SLC16A2: variants seen among roughly 807,000 people sequenced by gnomAD.
SLC16A2 encodes monocarboxylate transporter 8.
SLC16A2 carries 3 observed loss-of-function variants against 27.2 expected under a neutral mutation model. That is an observed-to-expected ratio of 0.11 (90% CI 0.05 to 0.28). The LOEUF is 0.28. Ranked by LOEUF, SLC16A2 falls within the 10% of genes least tolerant of loss-of-function variation. The pLI, the probability that SLC16A2 is intolerant of heterozygous loss-of-function variation, is 1.00. For missense variants in SLC16A2, 295 were observed against 458.5 expected, an observed-to-expected ratio of 0.64 and a Z score of 3.26; for synonymous variants, 202 against 187.8, an observed-to-expected ratio of 1.08 and a Z score of -0.62.
At chrX:74,463,710 G>T (rs1263180) in intron 1 of SLC16A2, among the ~76,000 whole-genome samples, 44,053 of 109,817 alleles carry the variant, frequency 0.4, 6,926 homozygotes, top group East Asian at 0.96. Context: ...TGTATTTTTA[G>T]TAGAGACAGG....
chrX:74,472,000 GAAT>G (rs1310481444), intron 1 of SLC16A2, among the ~76,000 whole-genome samples: 1 of 112,006 alleles, frequency 8.9e-6, no homozygotes, highest in East Asian at 2.8e-4. Flanking sequence ...TTTTAAGGGT[GAAT>G]AATATTTCAT....
rs774489345 is a variant in SLC16A2 at position 74,461,492 on chromosome X, TGGAGAGAA to T, written c.430+39435_430+39442del. The stretch of plus-strand genomic sequence containing the variant: ...AAAGAGGGAGAGGGAGAGGAAGAAT[TGGAGAGAA>T]GGAGAGAAGCAGAGGGAGAGAGAGG... On this transcript the variant is annotated intron_variant, in intron 1 of 5. Coordinates refer to ENST00000587091, the MANE Select transcript of SLC16A2 (RefSeq NM_006517.5). Among the ~76,000 whole-genome samples the T allele has an allele frequency of 3.5e-3, 382 of 107,767 alleles. 1 individual carries two copies. Among genetic ancestry groups the T allele is most frequent in the African/African-American group, 0.012 (366 of 29,493 alleles). The allele number at this position is 107,767 out of a possible 115,157, so 93.6% of individuals were successfully genotyped here. A position where few individuals can be genotyped will look rare whatever the true frequency, so the allele number is the denominator to read the frequency against.
intron 5 of SLC16A2, 148 bp from the exon 6 acceptor site, chrX:74,531,185 T>C: frequency 3.9e-6 from 2 of 516,977 alleles, no homozygotes; most frequent in South Asian, 5.2e-5. Context: ...GCAGCCCCAA[T>C]GCCTTGAAGT....
chrX:74,433,888 G>T (rs1465680293), intron 1 of SLC16A2, among the ~76,000 whole-genome samples: 1 of 111,818 alleles, frequency 8.9e-6, no homozygotes, highest in African/African-American at 3.3e-5. Context: ...AAACTTCTTG[G>T]AGTCTGAGTT....
chrX:74,520,878 C>T, intron 1 of SLC16A2, 112 bp from the exon 2 acceptor site: 2 of 857,838 alleles, frequency 2.3e-6, no homozygotes, highest in Non-Finnish European at 3.5e-6. Context: ...GCTGGCAATG[C>T]AGACCAATGC....
chrX:74,435,537 GTATA>G (rs1201827090), intron 1 of SLC16A2, among the ~76,000 whole-genome samples: 2 of 82,139 alleles, frequency 2.4e-5, no homozygotes, highest in South Asian at 1.2e-3. Flanking sequence ...ATATATATAT[GTATA>G]TATATATATA....
intron 1 of SLC16A2, among the ~76,000 whole-genome samples, chrX:74,513,017 G>A (rs907638202): frequency 9.0e-6 from 1 of 111,449 alleles, no homozygotes; most frequent in African/African-American, 3.3e-5. Context: ...GCTGAGAGGG[G>A]AAGGTTAAGG....
chrX:74,453,453 G>T (rs1240397572), intron 1 of SLC16A2, among the ~76,000 whole-genome samples: 1 of 111,330 alleles, frequency 9.0e-6, no homozygotes, highest in East Asian at 2.8e-4. Flanking sequence ...CCATCTCTAT[G>T]CATATTTAAA....
chrX:74,447,714 C>T (rs889647194), intron 1 of SLC16A2, among the ~76,000 whole-genome samples: 4 of 107,438 alleles, frequency 3.7e-5, no homozygotes, highest in Admixed American at 3.0e-4. Flanking sequence ...CACAGTGGCT[C>T]ATGCCTGCAA....
intron 1 of SLC16A2, among the ~76,000 whole-genome samples, chrX:74,469,872 G>T (rs1333942556): frequency 9.0e-6 from 1 of 111,170 alleles, no homozygotes; most frequent in Non-Finnish European, 1.9e-5. Flanking sequence ...GTTCACTCTT[G>T]GTGTACATTC....
intron 1 of SLC16A2, among the ~76,000 whole-genome samples, chrX:74,445,105 T>TTGAG (rs1208181654): frequency 9.0e-6 from 1 of 111,731 alleles, no homozygotes; most frequent in East Asian, 2.8e-4. Flanking sequence ...TTATTGCAGA[T>TTGAG]AAGGAAATTG....
chrX:74,531,267 G>A (rs1316375346), intron 5 of SLC16A2, 66 bp from the exon 6 acceptor site: 18 of 959,383 alleles, frequency 1.9e-5, no homozygotes, highest in Admixed American at 4.4e-5. Flanking sequence ...CCCCTAGAAC[G>A]GGCTGAGAGT....
intron 1 of SLC16A2, among the ~76,000 whole-genome samples, chrX:74,424,866 C>T (rs975206698): frequency 5.4e-5 from 6 of 111,156 alleles, no homozygotes; most frequent in African/African-American, 2.0e-4. Context: ...GTTTCTTATA[C>T]TTTATTTTTA....
At chrX:74,471,475 A>AATG (rs1929355451) in intron 1 of SLC16A2, among the ~76,000 whole-genome samples, 1 of 111,619 alleles carries the variant, frequency 9.0e-6, no homozygotes, top group Non-Finnish European at 1.9e-5. Flanking sequence ...CCCATTTGTC[A>AATG]ATGTTATTTG....
chrX:74,474,425 C>T (rs1929421799), intron 1 of SLC16A2, among the ~76,000 whole-genome samples: 1 of 109,189 alleles, frequency 9.2e-6, no homozygotes, highest in Admixed American at 9.8e-5. Flanking sequence ...TATCTTGTAA[C>T]ATTGCTAAAC....
At chrX:74,515,895 C>T (rs983985156) in intron 1 of SLC16A2, among the ~76,000 whole-genome samples, 1 of 111,534 alleles carries the variant, frequency 9.0e-6, no homozygotes, top group Non-Finnish European at 1.9e-5. Context: ...CAGACCTACC[C>T]TAAAAGAATA....
chrX:74,521,449 C>T lies in SLC16A2; in HGVS notation c.575+315C>T, dbSNP rs150542939. Among the ~76,000 whole-genome samples, 224 of 112,257 alleles carry T rather than the reference C, an allele frequency of 2.0e-3. 2 individuals carry two copies. The highest frequency in any genetic ancestry group is 7.0e-3 in the African/African-American group (215 of 30,917). The stretch of plus-strand genomic sequence containing the variant: ...ATGGCAATGGAACAATTGATGAGTA[C>T]CATTGTTCTCTCTGTGCCTCAATTT... On this transcript the variant is annotated intron_variant, in intron 2 of 5. Transcript: ENST00000587091.
intron 1 of SLC16A2, among the ~76,000 whole-genome samples, chrX:74,456,526 C>T (rs780292277): frequency 1.2e-4 from 9 of 77,407 alleles, no homozygotes; most frequent in South Asian, 7.9e-4. Flanking sequence ...ACCTGTGCAA[C>T]GACAACAACA....
At chrX:74,486,109 A>G (rs1016565718) in intron 1 of SLC16A2, among the ~76,000 whole-genome samples, 4 of 111,175 alleles carry the variant, frequency 3.6e-5, no homozygotes, top group African/African-American at 1.3e-4. Flanking sequence ...TTATTTGACT[A>G]TTTCTTTACC....
Sources: allele counts gnomAD v4.1 joint callset (sites outside exome capture counted in the v4.1 genomes callset), GRCh38; gene constraint gnomAD v4.1.1; transcripts MANE v1.5; gene names NCBI Gene and HGNC (gene_info 2026-07-23, HGNC 2026-07-21).